The following ATRNL1 variants were observed in gnomAD, a reference collection of about 807,000 sequenced individuals.
ATRNL1 encodes the protein attractin like 1.
ATRNL1 carries 95 observed loss-of-function variants against 182.7 expected under a neutral mutation model. The ratio of observed to expected loss-of-function variants is 0.52; its 90% CI spans 0.44 to 0.62. ATRNL1 has a LOEUF of 0.62. Ranked by LOEUF, ATRNL1 falls within the 20% of genes least tolerant of loss-of-function variation. The pLI, the probability that ATRNL1 is intolerant of heterozygous loss-of-function variation, is 0.00. For synonymous variants in ATRNL1, 576 were observed against 568.3 expected (o/e 1.01, Z -0.19); for missense variants, 1,471 against 1,679.5 (o/e 0.88, Z 2.17).
intron 8 of ATRNL1, among the ~76,000 whole-genome samples, chr10:115,191,805 T>G (rs1848179475): frequency 6.6e-6 from 1 of 152,142 alleles, no homozygotes; most frequent in Admixed American, 6.6e-5. Flanking sequence ...CATGCTGAAC[T>G]GTGAGTCAAT....
intron 20 of ATRNL1, among the ~76,000 whole-genome samples, chr10:115,420,882 C>G (rs1373730185): frequency 6.6e-6 from 1 of 152,018 alleles, no homozygotes; most frequent in Admixed American, 6.6e-5. Flanking sequence ...ACTGATACCA[C>G]AGCAATACAA....
chr10:115,714,858 A>G (rs1947200577), intron 26 of ATRNL1, among the ~76,000 whole-genome samples: 1 of 152,222 alleles, frequency 6.6e-6, no homozygotes, highest in Admixed American at 6.5e-5. Flanking sequence ...AGTGTGAAAT[A>G]TATAGAATAT....
intron 28 of ATRNL1, among the ~76,000 whole-genome samples, chr10:115,917,463 C>T (rs1555117606): frequency 1.4e-5 from 1 of 69,998 alleles, no homozygotes; most frequent in Admixed American, 2.7e-4. Flanking sequence ...GAGCAAGACT[C>T]TGTCTCAAAA....
intron 19 of ATRNL1, among the ~76,000 whole-genome samples, chr10:115,385,814 G>A (rs1554952456): frequency 2.6e-5 from 4 of 152,046 alleles, no homozygotes; most frequent in Non-Finnish European, 4.4e-5. Flanking sequence ...TGTTGAAATG[G>A]CAATTCTTTT....
At chr10:115,748,816 A>G (rs1555069888) in intron 27 of ATRNL1, among the ~76,000 whole-genome samples, 1 of 151,948 alleles carries the variant, frequency 6.6e-6, no homozygotes, top group Non-Finnish European at 1.5e-5. Flanking sequence ...CATTATGTTT[A>G]GCTTCCATAG....
chr10:115,577,657 C>A (rs989244233), intron 26 of ATRNL1, among the ~76,000 whole-genome samples: 1 of 69,664 alleles, frequency 1.4e-5, no homozygotes, highest in Non-Finnish European at 3.7e-5. Context: ...TGTGTGTAGC[C>A]TTATAGGGTA....
intron 26 of ATRNL1, among the ~76,000 whole-genome samples, chr10:115,630,970 C>G (rs1858467401): frequency 6.7e-6 from 1 of 150,348 alleles, no homozygotes. Flanking sequence ...AAGCCAGACA[C>G]CAAAGAAAAA....
chr10:115,843,824 A>G (rs1356100303), intron 27 of ATRNL1, among the ~76,000 whole-genome samples: 1 of 152,058 alleles, frequency 6.6e-6, no homozygotes, highest in Non-Finnish European at 1.5e-5. Context: ...TCTAGAGGAT[A>G]AGTCAGTCTT....
intron 19 of ATRNL1, among the ~76,000 whole-genome samples, chr10:115,367,993 C>T (rs1240592282): frequency 6.6e-6 from 1 of 152,064 alleles, no homozygotes; most frequent in Non-Finnish European, 1.5e-5. Flanking sequence ...GCCCTGCCCC[C>T]AGAGGTGGAG....
At chr10:115,737,314 A>G (rs1008347442) in intron 27 of ATRNL1, among the ~76,000 whole-genome samples, 2 of 149,450 alleles carry the variant, frequency 1.3e-5, no homozygotes, top group Non-Finnish European at 3.0e-5. Flanking sequence ...GCATGCATCT[A>G]TGGTTCAGCT....
intron 24 of ATRNL1, among the ~76,000 whole-genome samples, chr10:115,481,704 A>G (rs1042269569): frequency 8.6e-5 from 13 of 150,900 alleles, no homozygotes; most frequent in Non-Finnish European, 1.5e-4. Context: ...AGAAGAATTT[A>G]TAAACAAACA....
intron 26 of ATRNL1, among the ~76,000 whole-genome samples, chr10:115,620,096 T>C (rs919119442): frequency 6.6e-6 from 1 of 152,212 alleles, no homozygotes; most frequent in East Asian, 1.9e-4. Context: ...CTGCAGTCTG[T>C]AGACGTGTGA....
chr10:115,358,177 C>G (rs1856585706), intron 19 of ATRNL1, among the ~76,000 whole-genome samples: 2 of 151,702 alleles, frequency 1.3e-5, no homozygotes, highest in African/African-American at 4.8e-5. Context: ...TGAATGCTCT[C>G]ACTATGTATT....
chr10:115,350,182 A>G (rs1180754095), intron 19 of ATRNL1, among the ~76,000 whole-genome samples: 6 of 151,764 alleles, frequency 4.0e-5, no homozygotes, highest in African/African-American at 1.5e-4. Flanking sequence ...CTAAAAATAC[A>G]AAAATTAGCT....
chr10:115,509,371 C>T (rs1850273614), intron 24 of ATRNL1, among the ~76,000 whole-genome samples: 1 of 151,940 alleles, frequency 6.6e-6, no homozygotes, highest in Non-Finnish European at 1.5e-5. Context: ...TTGTAATCCC[C>T]AGTGTTGGAG....
rs1467067012 is a variant in ATRNL1 at position 115,582,707 on chromosome 10, C to CT, written c.3795+33172dup. ...CCATTTTGTAGGCTGCCTGTTCACT[C>CT]TGATGGTAGTTTCTTTTGCTGTGCA... On this transcript the variant is annotated intron_variant, in intron 26 of 28. Transcript: ENST00000355044. 1.1e-4 allele frequency among the ~76,000 whole-genome samples: 17 copies of CT among 149,334 alleles called. No homozygotes were observed. The East Asian group carries it at 3.2e-3, about 28-fold the overall frequency.
chr10:115,935,542 G>A (rs575181348), intron 28 of ATRNL1, among the ~76,000 whole-genome samples: 3 of 152,238 alleles, frequency 2.0e-5, no homozygotes, highest in Admixed American at 2.0e-4. Context: ...CTGCAAATGA[G>A]CGGAGTGAAG....
At chr10:115,587,109 G>A (rs181612971) in intron 26 of ATRNL1, among the ~76,000 whole-genome samples, 3,068 of 148,466 alleles carry the variant, frequency 0.021, 103 homozygotes, top group African/African-American at 0.07. Flanking sequence ...CAGTCTGCCC[G>A]TTCTCAGATC....
intron 27 of ATRNL1, among the ~76,000 whole-genome samples, chr10:115,738,183 G>T (rs1948031212): frequency 8.5e-6 from 1 of 117,486 alleles, no homozygotes; most frequent in Non-Finnish European, 1.7e-5. Flanking sequence ...CTGTCGCCCA[G>T]GCTGGAGTGC....
Sources: allele counts gnomAD v4.1 joint callset (sites outside exome capture counted in the v4.1 genomes callset), GRCh38; gene constraint gnomAD v4.1.1; transcripts MANE v1.5; gene names NCBI Gene and HGNC (gene_info 2026-07-23, HGNC 2026-07-21).